The following CDC42BPA variants were observed in gnomAD, a reference collection of about 807,000 sequenced individuals.
The protein encoded by CDC42BPA is serine/threonine-protein kinase MRCK alpha.
A neutral mutation model predicts 223.5 loss-of-function variants in CDC42BPA; 80 were observed. The ratio of observed to expected loss-of-function variants is 0.36; its 90% CI spans 0.30 to 0.43. The LOEUF (loss-of-function observed/expected upper bound fraction) is 0.43. Ranked by LOEUF, CDC42BPA falls within the 20% of genes least tolerant of loss-of-function variation. The pLI, the probability that CDC42BPA is intolerant of heterozygous loss-of-function variation, is 1.00. For missense variants in CDC42BPA, 1,743 were observed against 2,099.9 expected (o/e 0.83, Z 3.32); for synonymous variants, 694 against 718.6 (o/e 0.97, Z 0.55).
At chr1:227,256,642 G>A (rs1683072348) in intron 1 of CDC42BPA, among the ~76,000 whole-genome samples, 1 of 151,980 alleles carries the variant, frequency 6.6e-6, no homozygotes, top group African/African-American at 2.4e-5. Context: ...AAATAAAACA[G>A]AAAATAACAA....
chr1:227,162,730 G>A (rs1664146618), intron 5 of CDC42BPA, among the ~76,000 whole-genome samples: 1 of 152,166 alleles, frequency 6.6e-6, no homozygotes, highest in African/African-American at 2.4e-5. Flanking sequence ...CAGCTATTTG[G>A]GAGGCTGAAG....
At chr1:227,276,674 T>TGC (rs1167678976) in intron 1 of CDC42BPA, among the ~76,000 whole-genome samples, 1 of 152,218 alleles carries the variant, frequency 6.6e-6, no homozygotes, top group African/African-American at 2.4e-5. Flanking sequence ...ATCAGATTGT[T>TGC]GCTGTGTCTG....
chr1:227,184,039 T>C (rs1168346855), intron 5 of CDC42BPA, among the ~76,000 whole-genome samples: 1 of 152,184 alleles, frequency 6.6e-6, no homozygotes, highest in Non-Finnish European at 1.5e-5. Flanking sequence ...ATTTTGTAAT[T>C]AGATTGCTTG....
At chr1:227,069,747 C>G in intron 21 of CDC42BPA, 30 bp downstream of exon 21, 1 of 1,466,386 alleles carries the variant, frequency 6.8e-7, no homozygotes, top group Non-Finnish European at 9.5e-7. Flanking sequence ...AAATTGACCC[C>G]AGAGGATATG....
intron 2 of CDC42BPA, among the ~76,000 whole-genome samples, chr1:227,222,557 C>G (rs546595448): frequency 4.4e-4 from 67 of 152,250 alleles, no homozygotes; most frequent in Non-Finnish European, 9.4e-4. Flanking sequence ...CATTGTAGGT[C>G]ATCACACCCC....
chr1:227,034,745 A>G lies in CDC42BPA; in HGVS notation c.3386T>C (p.Ile1129Thr). The change falls in exon 26 of 37, where the codon ATA becomes ACA. Residue 1129 changes from isoleucine (I) to threonine (T), a missense_variant. By Grantham distance (89) the Ile-to-Thr change is moderately conservative. Coordinates refer to ENST00000366766, the MANE Select transcript of CDC42BPA (RefSeq NM_001394014.1). ...VKKGWQRALA[I>T]VCDFKLFLYD... ...CAGAAAGAGTTTGAAGTCACACACT[A>G]TAGCCAGTGCTCTCTGCCACCCTTT... 1 of 1,613,766 alleles carries G rather than the reference A, an allele frequency of 6.2e-7. No individual in the cohort carries two copies. The highest frequency in any genetic ancestry group is 1.1e-5 in the South Asian group (1 of 91,044).
chr1:227,011,841 C>T (rs1374405365), intron 34 of CDC42BPA, among the ~76,000 whole-genome samples: 1 of 152,148 alleles, frequency 6.6e-6, no homozygotes, highest in Non-Finnish European at 1.5e-5. Flanking sequence ...TGGGAATTTT[C>T]AAGATTCAGT....
intron 1 of CDC42BPA, among the ~76,000 whole-genome samples, chr1:227,305,737 G>A (rs1167157762): frequency 1.3e-5 from 2 of 152,126 alleles, no homozygotes; most frequent in Non-Finnish European, 2.9e-5. Flanking sequence ...AGGCCAAGGT[G>A]GGTGGATAAC....
At chr1:227,291,592 T>C (rs11800390) in intron 1 of CDC42BPA, among the ~76,000 whole-genome samples, 46,655 of 151,702 alleles carry the variant, frequency 0.31, 7,341 homozygotes, top group East Asian at 0.37. Flanking sequence ...CCCAAATCTA[T>C]ACTACAACAA....
chr1:227,085,885 G>C (rs61834044), intron 16 of CDC42BPA, among the ~76,000 whole-genome samples: 10,347 of 152,124 alleles, frequency 0.068, 487 homozygotes, highest in Non-Finnish European at 0.1. Flanking sequence ...GTGTATACTT[G>C]AATGATTTTT....
At position 227,086,210 on chromosome 1, in the gene CDC42BPA, T is replaced by C. The variant is rs1681859476; in HGVS notation, c.2356-5193A>G. ...GGTATTCTAGTATATGGGTATGATA[T>C]GCTTTGTTTATCATGCACCATTGAT... On this transcript the variant is annotated intron_variant, in intron 16 of 36. Coordinates refer to ENST00000366766, the MANE Select transcript of CDC42BPA (RefSeq NM_001394014.1). 2.6e-5 allele frequency among the ~76,000 whole-genome samples: 4 copies of C among 152,338 alleles called. No homozygotes were observed. In the South Asian group the frequency reaches 8.3e-4, roughly 32 times the overall value.
intron 16 of CDC42BPA, among the ~76,000 whole-genome samples, chr1:227,081,280 GCTTTT>G (rs1680567469): frequency 6.8e-6 from 1 of 147,642 alleles, no homozygotes; most frequent in African/African-American, 2.5e-5. Flanking sequence ...GTTGGTAATA[GCTTTT>G]TTTTTTCTCC....
In CDC42BPA at chr1:227,033,355, T is replaced by C; in HGVS notation, c.3537A>G (p.Lys1179=). 2 of 1,612,030 alleles carry C rather than the reference T, an allele frequency of 1.2e-6. No individual in the cohort carries two copies. The highest frequency in any genetic ancestry group is 1.7e-6 in the Non-Finnish European group (2 of 1,178,090). The change falls in exon 27 of 37, where the codon AAA becomes AAG. Residue 1179 remains lysine, a synonymous_variant. Transcript: ENST00000366766. ...LASDVIHASR[K]DIPCIFRVTA... ...TTACCCTAAATATACAGGGTATATC[T>C]TTCCGACTTGCATGGATAACATCAG... is the stretch of plus-strand genomic sequence containing the variant.
chr1:227,309,733 T>C (rs1008966966), intron 1 of CDC42BPA, among the ~76,000 whole-genome samples: 2 of 152,202 alleles, frequency 1.3e-5, no homozygotes, highest in African/African-American at 4.8e-5. Context: ...TGTAAATGCC[T>C]ACACATAAAG....
At chr1:227,165,739 C>T (rs536435811) in intron 5 of CDC42BPA, among the ~76,000 whole-genome samples, 84 of 152,166 alleles carry the variant, frequency 5.5e-4, no homozygotes, top group African/African-American at 1.9e-3. Context: ...GTCCAAAATT[C>T]GCAAATCTAG....
intron 35 of CDC42BPA, 65 bp from the exon 36 acceptor site, chr1:226,995,045 A>G: frequency 2.0e-6 from 3 of 1,463,478 alleles, no homozygotes; most frequent in Non-Finnish European, 2.8e-6. Flanking sequence ...GAAAGCACAC[A>G]GACTGCTGAG....
intron 9 of CDC42BPA, among the ~76,000 whole-genome samples, chr1:227,140,562 G>A (rs1659489989): frequency 6.6e-6 from 1 of 152,076 alleles, no homozygotes; most frequent in South Asian, 2.1e-4. Context: ...AAGGAGGCCT[G>A]TGTGGATGGA....
At chr1:227,291,419 C>G (rs565556784) in intron 1 of CDC42BPA, among the ~76,000 whole-genome samples, 1 of 152,000 alleles carries the variant, frequency 6.6e-6, no homozygotes, top group South Asian at 2.1e-4. Flanking sequence ...CATGGTGGCA[C>G]GCGCCTGTCA....
chr1:227,093,070 C>G (rs544731636), intron 15 of CDC42BPA, among the ~76,000 whole-genome samples: 2 of 152,336 alleles, frequency 1.3e-5, no homozygotes, highest in Non-Finnish European at 2.9e-5. Flanking sequence ...CAGGATCCAA[C>G]TGAGAAACAT....
Sources: gnomAD v4.1 joint callset for allele counts (sites outside exome capture counted in the v4.1 genomes callset) on GRCh38, gnomAD v4.1.1 for gene constraint, MANE v1.5 for transcripts, NCBI Gene and HGNC (gene_info 2026-07-23, HGNC 2026-07-21) for gene names.